The following ADAMTS19 variants were observed in gnomAD, a reference collection of about 807,000 sequenced individuals.
The protein encoded by ADAMTS19 is ADAM metallopeptidase with thrombospondin type 1 motif 19.
Under a neutral mutation model 153.3 loss-of-function variants are expected in ADAMTS19, and 93 were observed. The observed-to-expected ratio is 0.61, with a 90% confidence interval of 0.51 to 0.72. ADAMTS19 has a LOEUF of 0.72. ADAMTS19 is among the 30% of genes least tolerant of loss of function. The pLI, the probability that ADAMTS19 is intolerant of heterozygous loss-of-function variation, is 0.00. For synonymous variants in ADAMTS19, 600 were observed against 556.6 expected (o/e 1.08, Z -1.10); for missense variants, 1,482 against 1,552.1 (o/e 0.95, Z 0.76).
chr5:129,490,872 G>A (rs1041447196), intron 2 of ADAMTS19, among the ~76,000 whole-genome samples: 2 of 152,010 alleles, frequency 1.3e-5, no homozygotes, highest in Non-Finnish European at 2.9e-5. Context: ...GGTAAATTAT[G>A]AGATACAGTT....
intron 17 of ADAMTS19, among the ~76,000 whole-genome samples, chr5:129,683,087 A>G (rs1754896486): frequency 6.6e-6 from 1 of 152,016 alleles, no homozygotes. Flanking sequence ...TTAATGTATC[A>G]TATTATATTA....
At chr5:129,602,005 G>A (rs1750669141) in intron 8 of ADAMTS19, among the ~76,000 whole-genome samples, 1 of 152,332 alleles carries the variant, frequency 6.6e-6, no homozygotes, top group East Asian at 1.9e-4. Context: ...TACTTCCAAG[G>A]AGTCAGGCAA....
intron 18 of ADAMTS19, chr5:129,688,092 C>G (rs1019542628): frequency 1.3e-5 from 2 of 152,132 alleles, no homozygotes; most frequent in Admixed American, 1.3e-4. Flanking sequence ...TTTTCCTTTG[C>G]AGTTCATAAA....
At chr5:129,710,778 C>A (rs1388802272) in intron 21 of ADAMTS19, among the ~76,000 whole-genome samples, 2 of 152,088 alleles carry the variant, frequency 1.3e-5, no homozygotes, top group Non-Finnish European at 2.9e-5. Context: ...CTCAGTGAGT[C>A]TTTGAAAGAA....
chr5:129,563,066 TAC>T (rs1426419040), intron 7 of ADAMTS19, among the ~76,000 whole-genome samples: 2 of 152,200 alleles, frequency 1.3e-5, no homozygotes, highest in Admixed American at 1.3e-4. Context: ...GTCAACACTG[TAC>T]TGTGAGAATC....
intron 6 of ADAMTS19, among the ~76,000 whole-genome samples, chr5:129,531,244 C>T (rs1470746744): frequency 6.6e-6 from 1 of 152,108 alleles, no homozygotes; most frequent in Non-Finnish European, 1.5e-5. Flanking sequence ...CCTTTTCAGG[C>T]ATGTTTTGTA....
chr5:129,514,577 T>C (rs532847689), intron 3 of ADAMTS19, among the ~76,000 whole-genome samples: 1 of 152,200 alleles, frequency 6.6e-6, no homozygotes, highest in Non-Finnish European at 1.5e-5. Context: ...ATTTGCCATT[T>C]GTATGTCTTC....
At chr5:129,694,647 G>A (rs1755475591) in intron 18 of ADAMTS19, 73 bp from the exon 19 acceptor site, 1 of 1,159,120 alleles carries the variant, frequency 8.6e-7, no homozygotes, top group Non-Finnish European at 1.1e-6. Flanking sequence ...AGCATAATAA[G>A]CTTATGAACA....
chr5:129,614,381 A>G (rs543777385), intron 8 of ADAMTS19, among the ~76,000 whole-genome samples: 76 of 152,318 alleles, frequency 5.0e-4, no homozygotes, highest in African/African-American at 1.8e-3. Flanking sequence ...CTGGTTCAAC[A>G]TACGAAAATC....
At chr5:129,610,732 T>C (rs1429870895) in intron 8 of ADAMTS19, among the ~76,000 whole-genome samples, 1 of 152,164 alleles carries the variant, frequency 6.6e-6, no homozygotes, top group African/African-American at 2.4e-5. Flanking sequence ...CTATTGTGAA[T>C]AGTGCCGCAA....
At chr5:129,582,101 G>GAT (rs1749543650) in intron 7 of ADAMTS19, among the ~76,000 whole-genome samples, 1 of 151,284 alleles carries the variant, frequency 6.6e-6, no homozygotes, top group Non-Finnish European at 1.5e-5. Context: ...GAGTTGTGTA[G>GAT]ATGTCTGTTA....
chr5:129,677,633 A>T (rs2127110875), intron 16 of ADAMTS19, among the ~76,000 whole-genome samples: 1 of 152,242 alleles, frequency 6.6e-6, no homozygotes, highest in African/African-American at 2.4e-5. Context: ...ATTCATTACC[A>T]TATTCTGTCC....
chr5:129,622,236 A>C lies in ADAMTS19; in HGVS notation c.1658A>C (p.Gln553Pro). ...ASNCLLQTNP[Q>P]SVNSVMVPSK... is the part of the protein sequence containing the mutation. The stretch of plus-strand genomic sequence containing the variant: ...AACTGCTTGCTACAAACAAATCCGC[A>C]GAGTGTCAATTCTGTGATGGTTCCC... Residue 553 changes from glutamine to proline, a missense_variant, in exon 10 of 23, where the codon CAG becomes CCG. Gln to Pro is a moderately conservative substitution (Grantham distance 76, BLOSUM62 -1). This residue lies in a region of ADAMTS19 where 866 missense variants were observed against 827.7 expected (regional missense o/e 1.05). Transcript: ENST00000274487. 6.2e-7 allele frequency: 1 copy of C among 1,614,116 alleles called. No individual in the cohort carries two copies. The highest frequency in any genetic ancestry group is 1.3e-5 in the African/African-American group (1 of 75,040).
At chr5:129,486,955 C>T (rs1386287700) in intron 2 of ADAMTS19, among the ~76,000 whole-genome samples, 1 of 152,160 alleles carries the variant, frequency 6.6e-6, no homozygotes, top group Non-Finnish European at 1.5e-5. Flanking sequence ...ACTGAGTGTG[C>T]ATGCACATGC....
At chr5:129,667,764 T>G (rs561618402) in intron 16 of ADAMTS19, among the ~76,000 whole-genome samples, 1 of 152,226 alleles carries the variant, frequency 6.6e-6, no homozygotes, top group African/African-American at 2.4e-5. Flanking sequence ...ATCTATTTTC[T>G]TTATAAACTA....
chr5:129,548,033 A>T (rs890795545), intron 6 of ADAMTS19, among the ~76,000 whole-genome samples: 1 of 150,808 alleles, frequency 6.6e-6, no homozygotes, highest in Admixed American at 6.6e-5. Flanking sequence ...TTCAAGATGG[A>T]TTAAAGACTT....
intron 2 of ADAMTS19, among the ~76,000 whole-genome samples, chr5:129,507,270 A>G (rs555068949): frequency 6.6e-6 from 1 of 152,212 alleles, no homozygotes; most frequent in East Asian, 1.9e-4. Context: ...ACACTAATCC[A>G]TAAGACAAGA....
At chr5:129,540,958 T>C (rs1255003461) in intron 6 of ADAMTS19, among the ~76,000 whole-genome samples, 1 of 152,066 alleles carries the variant, frequency 6.6e-6, no homozygotes, top group Non-Finnish European at 1.5e-5. Flanking sequence ...ATCAAAGGTC[T>C]AGTCAGCAAA....
chr5:129,588,129 A>C (rs538169174), intron 7 of ADAMTS19, among the ~76,000 whole-genome samples: 9 of 152,278 alleles, frequency 5.9e-5, no homozygotes, highest in Non-Finnish European at 2.9e-5. Flanking sequence ...TTATGTAATG[A>C]ATGGATACGT....
Sources: allele counts gnomAD v4.1 joint callset (sites outside exome capture counted in the v4.1 genomes callset), GRCh38; gene constraint gnomAD v4.1.1; regional missense constraint gnomAD v4.1.1; transcripts MANE v1.5; gene names NCBI Gene and HGNC (gene_info 2026-07-23, HGNC 2026-07-21).